FGA: variants seen among roughly 807,000 people sequenced by gnomAD.
FGA encodes fibrinogen alpha chain.
A neutral mutation model predicts 20.3 loss-of-function variants in FGA; 20 were observed. The observed-to-expected ratio is 0.99, with a 90% CI of 0.69 to 1.43. The LOEUF is 1.43. Among genes scored for constraint, FGA ranks in the 40% most tolerant of loss-of-function variants. The pLI, the probability that FGA is intolerant of heterozygous loss-of-function variation, is 0.00. For missense variants in FGA, 777 were observed against 784.7 expected, an observed-to-expected ratio of 0.99 and a Z score of 0.12; for synonymous variants, 306 against 281.6, an observed-to-expected ratio of 1.09 and a Z score of -0.87.
rs771156473 is a variant in FGA, at chr4:154,590,680, G to T, written c.8C>A (p.Ser3Tyr). 7.7e-6 allele frequency: 12 copies of T among 1,556,758 alleles called. No homozygotes were observed. Among genetic ancestry groups the T allele is most frequent in the Non-Finnish European group, 8.7e-6 (10 of 1,149,396 alleles). The change falls in exon 1 of 5, where the codon TCC (serine) becomes TAC (tyrosine). Residue 3 changes from serine (S) to tyrosine (Y), a missense_variant. Transcript: ENST00000403106. Reference sequence around the variant, plus strand: ...TAGGACCAGGCAGACGATCCTCATGGAAAACATCTTTTCTAAGGGTGGGGC... The same window carrying T: ...TAGGACCAGGCAGACGATCCTCATGTAAAACATCTTTTCTAAGGGTGGGGC... MFSMRIVCLVLSV... is the reference protein window; with the variant it reads MFYMRIVCLVLSV...
chr4:154,584,095 C>CAGAGTGCTCCCATTCCCACTTCGAAGAT, downstream of FGA: 1 of 1,549,860 alleles, frequency 6.5e-7, no homozygotes, highest in Non-Finnish European at 8.9e-7. Context: ...GCAAAGAAGA[C>CAGAGTGCTCCCATTCCCACTTCGAAGAT]AGAGTGCTCC....
rs111594488 is a variant in FGA at position 154,588,953 on chromosome 4, G to A, written c.204C>T (p.Cys68=). 3.7e-6 allele frequency: 6 copies of A among 1,613,462 alleles called. No individual in the cohort carries two copies. The African/African-American group carries it at 6.7e-5, about 18-fold the overall frequency. ...EDWNYKCPSG[C]RMKGLIDEVN... is the part of the protein sequence containing the mutation. ...CTTCATCAATCAACCCTTTCATCCT[G>A]CAGCCAGAAGGGCATTTGTAGTTCT... Residue 68 remains cysteine, a synonymous_variant, in exon 3 of 5, where the codon TGC becomes TGT. Coordinates refer to ENST00000403106, the MANE Select transcript of FGA (RefSeq NM_021871.4).
chr4:154,584,024 T>A (rs1393349335), downstream of FGA: 8 of 923,586 alleles, frequency 8.7e-6, no homozygotes, highest in East Asian at 2.0e-4. Context: ...CACCTAGGAA[T>A]TTTTTAGGTT....
At position 154,589,831 on chromosome 4, in the gene FGA, A is replaced by G. The variant is rs183102541; in HGVS notation, c.55-269T>C. 6.2e-3 allele frequency among the ~76,000 whole-genome samples: 948 copies of G among 152,364 alleles called. 5 individuals carry two copies. The highest frequency in any genetic ancestry group is 0.011 in the Non-Finnish European group (742 of 68,024). On this transcript the variant is annotated intron_variant, in intron 1 of 4. Transcript: ENST00000403106. ...ACACTTAAATAAGCATTTGATAAAT[A>G]TTAGGAGTTTTAAAGAATCCATCCT...
At position 154,587,537 on chromosome 4, in the gene FGA, T is replaced by C; in HGVS notation, c.485A>G (p.Gln162Arg). The change falls in exon 4 of 5, where the codon CAG becomes CGG. Residue 162 changes from glutamine (Q) to arginine (R), a missense_variant. Coordinates refer to ENST00000403106, the MANE Select transcript of FGA (RefSeq NM_021871.4). ...IQLLQKNVRA[Q>R]LVDMKRLEVD... ...CTCCAGTCGTTTCATATCAACCAAC[T>C]GAGCTCTAACATTTTTCTGCAGAAG... 1 of 1,613,444 alleles carries C rather than the reference T, an allele frequency of 6.2e-7. No individual in the cohort carries two copies.
chr4:154,585,533 G>T lies in FGA; in HGVS notation c.1896C>A (p.Ile632=). 1 of 1,613,596 alleles carries T rather than the reference G, an allele frequency of 6.2e-7. No individual in the cohort carries two copies. Among genetic ancestry groups the T allele is most frequent in the Non-Finnish European group, 8.5e-7 (1 of 1,179,562 alleles). The stretch of plus-strand genomic sequence containing the variant: ...AAGGCTTCCCCAAAGGAGAAGTGTG[G>T]ATACCTCTGACAGGGCGAGATTTAG... ...GHAKSRPVRG[I]HTSPLGKPSL... Residue 632 remains isoleucine, a synonymous_variant, in exon 5 of 5, where the codon ATC becomes ATA. Transcript: ENST00000403106.
intron 1 of FGA, 108 bp downstream of exon 1, chr4:154,590,526 A>G: frequency 5.1e-6 from 5 of 977,380 alleles, no homozygotes; most frequent in Non-Finnish European, 8.0e-6. Context: ...CTGGGGTCAT[A>G]AAGCTAAGAG....
In FGA at chr4:154,586,435, C is replaced by T; in HGVS notation, c.994G>A (p.Gly332Arg). ...KPGSSGPGST[G>R]SWNSGSSGTG... ...CCAGAGCTCCCAGAGTTCCAGCTTC[C>T]AGTACTTCCAGGTCCAGAGCTCCCA... Residue 332 changes from glycine (G) to arginine (R), a missense_variant, in exon 5 of 5, where the codon GGA becomes AGA. By Grantham distance (125) the Gly-to-Arg change is moderately radical. Transcript: ENST00000403106. The T allele has an allele frequency of 1.2e-6, 2 of 1,610,636 alleles. No homozygotes were observed. Among genetic ancestry groups the T allele is most frequent in the South Asian group, 1.1e-5 (1 of 90,776 alleles).
downstream of FGA, chr4:154,584,764 C>T (rs140959479): frequency 1.9e-6 from 3 of 1,613,928 alleles, no homozygotes; most frequent in African/African-American, 1.3e-5. Flanking sequence ...CTTACTGGAT[C>T]CCGGTAGCTT....
Position 154,586,893 on chromosome 4 carries a change from G to A in FGA, c.536C>T (p.Ser179Phe). ...LEVDIDIKIR[S>F]CRGSCSRALA... ...AGCCCTACTGCATGACCCTCGACAA[G>A]ATCGGATCTTAATATCAATGTCCAC... Residue 179 changes from serine to phenylalanine, a missense_variant, in exon 5 of 5, where the codon TCT becomes TTT. By Grantham distance (155) the Ser-to-Phe change is radical. Transcript: ENST00000403106. 2 of 1,613,914 alleles carry A rather than the reference G, an allele frequency of 1.2e-6. No individual in the cohort carries two copies. Among genetic ancestry groups the A allele is most frequent in the South Asian group, 1.1e-5 (1 of 91,068 alleles).
chr4:154,588,690 T>C, intron 3 of FGA, 103 bp downstream of exon 3: 1 of 874,376 alleles, frequency 1.1e-6, no homozygotes, highest in Non-Finnish European at 1.9e-6. Flanking sequence ...CTACACTAAG[T>C]ACTTTGGGAT....
Position 154,587,632 on chromosome 4 carries a change from C to T in FGA, c.390G>A (p.Val130=). 6.2e-7 allele frequency: 1 copy of T among 1,613,888 alleles called. No individual in the cohort carries two copies. The highest frequency in any genetic ancestry group is 8.5e-7 in the Non-Finnish European group (1 of 1,179,940). ...CAATTCTGCTTCTCAGATCCTCTGA[C>T]ACTCGGTTGTAGGTATTATCACGGT... The part of the protein sequence containing the change: ...ANNRDNTYNR[V]SEDLRSRIEV... The change falls in exon 4 of 5, where the codon GTG becomes GTA. Residue 130 remains valine (V), a synonymous_variant. Coordinates refer to ENST00000403106, the MANE Select transcript of FGA (RefSeq NM_021871.4).
intron 1 of FGA, 63 bp from the exon 2 acceptor site, chr4:154,589,625 A>G (rs903844273): frequency 1.3e-6 from 2 of 1,583,354 alleles, no homozygotes; most frequent in African/African-American, 1.3e-5. Context: ...AAGAGGAGAC[A>G]GTGGCATGCC....
intron 2 of FGA, among the ~76,000 whole-genome samples, chr4:154,589,201 C>A (rs935767380): frequency 2.6e-5 from 4 of 152,150 alleles, no homozygotes; most frequent in Non-Finnish European, 5.9e-5. Flanking sequence ...TACTCAGGAG[C>A]CTGGTTTTGC....
chr4:154,590,723 TC>T lies in FGA; in HGVS notation c.-37del. On this transcript the variant is annotated 5_prime_UTR_variant, in exon 1 of 5. Transcript: ENST00000403106. ...GGTGGGGCTGGCTCCTGAGGAGCAC[TC>T]CAGCTGAAAGAAAGGATTGCTGCCA... is the stretch of plus-strand genomic sequence containing the variant. The T allele has an allele frequency of 6.7e-7, 1 of 1,501,628 alleles. No homozygotes were observed. The highest frequency in any genetic ancestry group is 9.1e-7 in the Non-Finnish European group (1 of 1,101,316). The allele number at this position is 1,501,628 out of a possible 1,614,324, so 93.0% of individuals were successfully genotyped here. A position where few individuals can be genotyped will look rare whatever the true frequency, so the allele number is the denominator to read the frequency against.
intron 1 of FGA, 73 bp from the exon 2 acceptor site, chr4:154,589,635 C>T: frequency 6.5e-7 from 1 of 1,542,418 alleles, no homozygotes; most frequent in Non-Finnish European, 8.9e-7. Flanking sequence ...AGTGGCATGC[C>T]TACAAGTCCC....
rs769422386 is a variant in FGA, at chr4:154,586,330, G to A, written c.1099C>T (p.Arg367Cys). Residue 367 changes from arginine (R) to cysteine (C), a missense_variant, in exon 5 of 5, where the codon CGC (arginine) becomes TGC (cysteine). Physicochemically the swap from Arg to Cys is radical, Grantham distance 180. Transcript: ENST00000403106. Reference sequence around the variant, plus strand: ...GAGGTCCAGTGCCCAGCACTTCCGCGTTCAGAGCTGCCAGGATTCCAGGTT... The same window carrying A: ...GAGGTCCAGTGCCCAGCACTTCCGCATTCAGAGCTGCCAGGATTCCAGGTT... ...TGTWNPGSSE[R>C]GSAGHWTSES... is the part of the protein sequence containing the mutation. 2 of 1,614,194 alleles carry A rather than the reference G, an allele frequency of 1.2e-6. No homozygotes were observed. The highest frequency in any genetic ancestry group is 1.7e-6 in the Non-Finnish European group (2 of 1,180,026).
downstream of FGA, chr4:154,584,379 G>A (rs1191271860): frequency 1.9e-6 from 3 of 1,614,122 alleles, no homozygotes; most frequent in East Asian, 2.2e-5. Context: ...TGAACTGCAT[G>A]TTGTTGTGAG....
At position 154,587,542 on chromosome 4, in the gene FGA, T is replaced by G. The variant is rs1730757828; in HGVS notation, c.480A>C (p.Arg160Ser). 2 of 1,613,808 alleles carry G rather than the reference T, an allele frequency of 1.2e-6. No individual in the cohort carries two copies. Among genetic ancestry groups the G allele is most frequent in the South Asian group, 1.1e-5 (1 of 91,072 alleles). Residue 160 changes from arginine (R) to serine (S), a missense_variant, in exon 4 of 5, where the codon AGA (arginine) becomes AGC (serine). Arg to Ser is a moderately radical substitution (Grantham distance 110, BLOSUM62 -1). Coordinates refer to ENST00000403106, the MANE Select transcript of FGA (RefSeq NM_021871.4). ...GTCGTTTCATATCAACCAACTGAGC[T>G]CTAACATTTTTCTGCAGAAGCTGGA... ...QHIQLLQKNV[R>S]AQLVDMKRLE...
Sources: allele counts gnomAD v4.1 joint callset (sites outside exome capture counted in the v4.1 genomes callset), GRCh38; gene constraint gnomAD v4.1.1; transcripts MANE v1.5; gene names NCBI Gene and HGNC (gene_info 2026-07-23, HGNC 2026-07-21).